ITPKC: variants seen among roughly 807,000 people sequenced by gnomAD.
ITPKC encodes the protein IP3 3-kinase C.
A neutral mutation model predicts 67.1 loss-of-function variants in ITPKC; 33 were observed. The observed-to-expected ratio is 0.49, with a 90% CI of 0.37 to 0.66. The LOEUF is 0.66. ITPKC is among the 30% of genes least tolerant of loss of function. ITPKC has a pLI of 0.00. For missense variants in ITPKC, 820 were observed against 892.1 expected (o/e 0.92, Z 1.03); for synonymous variants, 341 against 359.8 (o/e 0.95, Z 0.59).
At position 40,717,154 on chromosome 19, in the gene ITPKC, C is replaced by G. The variant is rs1300642263; in HGVS notation, c.19C>G (p.Arg7Gly). The change falls in exon 1 of 7, where the codon CGT becomes GGT. Residue 7 changes from arginine (R) to glycine (G), a missense_variant. Arg to Gly is a moderately radical substitution (Grantham distance 125, BLOSUM62 -2). Transcript: ENST00000263370. ...AGCGGGCATGAGGCGCTGCCCGTGC[C>G]GTGGGAGCCTGAACGAGGCGGAGGC... MRRCPC[R>G]GSLNEAEAGA... 9 of 1,226,936 alleles carry G rather than the reference C, an allele frequency of 7.3e-6. No homozygotes were observed. Among genetic ancestry groups the G allele is most frequent in the Non-Finnish European group, 9.1e-6 (9 of 985,030 alleles). The allele number at this position is 1,226,936 out of a possible 1,614,324, so 76.0% of individuals were successfully genotyped here.
chr19:40,726,196 G>A (rs531856848), intron 2 of ITPKC, among the ~76,000 whole-genome samples: 10 of 151,886 alleles, frequency 6.6e-5, no homozygotes, highest in Admixed American at 4.6e-4. Flanking sequence ...AGCCAAGATC[G>A]CAGCATTGCA....
chr19:40,723,422 CTTTG>C (rs1249373853), intron 1 of ITPKC, among the ~76,000 whole-genome samples: 2 of 152,000 alleles, frequency 1.3e-5, no homozygotes, highest in East Asian at 3.9e-4. Flanking sequence ...TTCTCTCTCT[CTTTG>C]TCTACTTCTG....
intron 3 of ITPKC, among the ~76,000 whole-genome samples, 173 bp from the exon 4 acceptor site, chr19:40,732,987 C>A (rs1178665913): frequency 6.6e-6 from 1 of 152,198 alleles, no homozygotes; most frequent in Non-Finnish European, 1.5e-5. Context: ...AATTGCAGTG[C>A]CTAGTCATAA....
rs775698126 is a variant in ITPKC, at chr19:40,717,454, G to C, written c.319G>C (p.Glu107Gln). The C allele has an allele frequency of 1.9e-6, 3 of 1,613,958 alleles. No individual in the cohort carries two copies. The highest frequency in any genetic ancestry group is 2.5e-6 in the Non-Finnish European group (3 of 1,180,024). ...GGCAGCTGGCCTTGGAGTAGAGACC[G>C]AGAGGCCCAAGCAAAAGACGGAGCC... The part of the protein sequence containing the change: ...PAAAGLGVET[E>Q]RPKQKTEPDR... The change falls in exon 1 of 7, where the codon GAG (glutamate) becomes CAG (glutamine). Residue 107 changes from glutamate to glutamine, a missense_variant. Coordinates refer to ENST00000263370, the MANE Select transcript of ITPKC (RefSeq NM_025194.3).
Position 40,717,392 on chromosome 19 carries a change from A to G in ITPKC, c.257A>G (p.Gln86Arg), listed in dbSNP as rs1190175867. 2 of 1,613,476 alleles carry G rather than the reference A, an allele frequency of 1.2e-6. No individual in the cohort carries two copies. The highest frequency in any genetic ancestry group is 8.5e-7 in the Non-Finnish European group (1 of 1,179,942). ...LGPAPGTESPQAEFWTDGQTE... is the reference protein window; with the variant it reads ...LGPAPGTESPRAEFWTDGQTE... ...CCTGCGCCGGGGACAGAGAGTCCGC[A>G]GGCAGAATTCTGGACAGACGGACAG... Residue 86 changes from glutamine (Q) to arginine (R), a missense_variant, in exon 1 of 7, where the codon CAG (glutamine) becomes CGG (arginine). Coordinates refer to ENST00000263370, the MANE Select transcript of ITPKC (RefSeq NM_025194.3).
At chr19:40,726,957 A>T (rs143454659) in intron 2 of ITPKC, among the ~76,000 whole-genome samples, 331 of 152,192 alleles carry the variant, frequency 2.2e-3, no homozygotes, top group African/African-American at 6.6e-3. Context: ...TGGGAAGATC[A>T]CTTGAGTCCA....
At chr19:40,729,458 G>GC in intron 3 of ITPKC, 43 bp downstream of exon 3, 1 of 1,545,940 alleles carries the variant, frequency 6.5e-7, no homozygotes, top group Non-Finnish European at 8.8e-7. Flanking sequence ...AGGGCAGGGG[G>GC]TGGGCATTAT....
chr19:40,723,154 G>T lies in ITPKC; in HGVS notation c.1156-2186G>T, dbSNP rs191170764. ...TTTTTTGTATTTTTAGTAGAGACGG[G>T]GTTTCACTGTGTTAGCCAGGATGGT... On this transcript the variant is annotated intron_variant, in intron 1 of 6. Transcript: ENST00000263370. Among the ~76,000 whole-genome samples the T allele has an allele frequency of 2.4e-4, 37 of 152,162 alleles. No individual in the cohort carries two copies. In the East Asian group the frequency reaches 7.2e-3, roughly 29 times the overall value.
rs763431871 is a variant in ITPKC, at chr19:40,729,276, C to T, written c.1330C>T (p.Leu444=). Residue 444 remains leucine (L), a synonymous_variant, in exon 3 of 7, where the codon CTG becomes TTG. Coordinates refer to ENST00000263370, the MANE Select transcript of ITPKC (RefSeq NM_025194.3). ...CQCEQRSLEQ[L]MKDPLRPFVP... ...GTGTGAGCAGCGCAGCCTGGAGCAG[C>T]TGATGAAAGACCCGCTGCGACCTTT... 10 of 1,614,054 alleles carry T rather than the reference C, an allele frequency of 6.2e-6. No individual in the cohort carries two copies. The highest frequency in any genetic ancestry group is 7.6e-6 in the Non-Finnish European group (9 of 1,180,044).
chr19:40,725,003 G>C (rs1174230451), intron 1 of ITPKC, among the ~76,000 whole-genome samples: 1 of 151,764 alleles, frequency 6.6e-6, no homozygotes, highest in African/African-American at 2.4e-5. Flanking sequence ...AAGATGTAAG[G>C]GTTGTTTGTT....
Position 40,718,102 on chromosome 19 carries a change from C to T in ITPKC, c.967C>T (p.Pro323Ser), listed in dbSNP as rs908407684. ...THLYSHLKCSPLCPVPRLIIT... is the reference protein window; with the variant it reads ...THLYSHLKCSSLCPVPRLIIT... Reference sequence around the variant, plus strand: ...CCTGTACTCTCACCTGAAGTGTAGCCCCCTGTGCCCTGTGCCCCGCCTCAT... The same window carrying T: ...CCTGTACTCTCACCTGAAGTGTAGCTCCCTGTGCCCTGTGCCCCGCCTCAT... The change falls in exon 1 of 7, where the codon CCC (proline) becomes TCC (serine). Residue 323 changes from proline (P) to serine (S), a missense_variant. Around this residue, in one of 2 missense-constraint regions of ITPKC, gnomAD observed 481 missense variants for 470.1 expected, o/e 1.02. Transcript: ENST00000263370. 6.2e-7 allele frequency: 1 copy of T among 1,613,440 alleles called. No individual in the cohort carries two copies. The highest frequency in any genetic ancestry group is 8.5e-7 in the Non-Finnish European group (1 of 1,179,962).
In ITPKC at chr19:40,740,371, C is replaced by T. The variant is rs10411159; in HGVS notation, c.*811C>T. 3.6e-3 allele frequency: 571 copies of T among 159,082 alleles called. 4 individuals are homozygous for T. Among genetic ancestry groups the T allele is most frequent in the African/African-American group, 0.013 (551 of 41,038 alleles). The allele number at this position is 159,082 out of a possible 1,614,324, so 9.9% of individuals were successfully genotyped here. A position where few individuals can be genotyped will look rare whatever the true frequency, so the allele number is the denominator to read the frequency against. ...ACCCCCAGGCTTCTCTCTCCTTTCT[C>T]CCAGCAAACTGCAGTGGCAGAAAGG... On this transcript the variant is annotated 3_prime_UTR_variant, in exon 7 of 7. Coordinates refer to ENST00000263370, the MANE Select transcript of ITPKC (RefSeq NM_025194.3).
chr19:40,733,627 CCT>C (rs1182971718), intron 4 of ITPKC, among the ~76,000 whole-genome samples: 1 of 152,228 alleles, frequency 6.6e-6, no homozygotes, highest in Admixed American at 6.5e-5. Context: ...TCTTCTCCTG[CCT>C]CTGTCTCCCT....
chr19:40,739,413 G>C lies in ITPKC; in HGVS notation c.1905G>C (p.Trp635Cys). 2.5e-6 allele frequency: 4 copies of C among 1,613,778 alleles called. No homozygotes were observed. The highest frequency in any genetic ancestry group is 3.4e-6 in the Non-Finnish European group (4 of 1,180,042). Residue 635 changes from tryptophan (W) to cysteine (C), a missense_variant, in exon 7 of 7, where the codon TGG becomes TGC. Trp to Cys is a radical substitution (Grantham distance 215, BLOSUM62 -2). Around this residue, in one of 2 missense-constraint regions of ITPKC, gnomAD observed 339 missense variants for 422.0 expected, o/e 0.80. Coordinates refer to ENST00000263370, the MANE Select transcript of ITPKC (RefSeq NM_025194.3). ...ACCACACCGGCCTGGCCAAGGTCTG[G>C]ATGATAGACTTCGGCAAGACGGTGG... Reference protein sequence around the residue: ...VHDHTGLAKVWMIDFGKTVAL... With the variant: ...VHDHTGLAKVCMIDFGKTVAL...
chr19:40,720,079 A>T (rs1450841832), intron 1 of ITPKC, among the ~76,000 whole-genome samples: 6 of 151,942 alleles, frequency 3.9e-5, no homozygotes, highest in Non-Finnish European at 8.8e-5. Flanking sequence ...CATTCAACAG[A>T]TGGGGGCCAG....
At chr19:40,728,624 A>C (rs1044491804) in intron 2 of ITPKC, among the ~76,000 whole-genome samples, 3 of 152,186 alleles carry the variant, frequency 2.0e-5, no homozygotes, top group African/African-American at 7.2e-5. Context: ...ACATGTGTAC[A>C]ATCAAAAATT....
chr19:40,737,226 T>C (rs1264502968), intron 5 of ITPKC, 139 bp downstream of exon 5: 5 of 649,764 alleles, frequency 7.7e-6, no homozygotes, highest in Non-Finnish European at 1.4e-5. Context: ...GGTCAGCTGG[T>C]GGCTTGGCAA....
At chr19:40,725,520 C>T (rs1224783834) in intron 2 of ITPKC, 81 bp downstream of exon 2, 5 of 968,294 alleles carry the variant, frequency 5.2e-6, no homozygotes, top group Non-Finnish European at 6.7e-6. Flanking sequence ...TTAGTTCCCC[C>T]ACCTAGTGAT....
Position 40,739,361 on chromosome 19 carries a change from T to C in ITPKC, c.1853T>C (p.Val618Ala), listed in dbSNP as rs987737669. ...CTCCCGTCTCTACCCCGGCAGGTGG[T>C]AGGCAGCTCCCTCCTCTTCGTGCAC... is the stretch of plus-strand genomic sequence containing the variant. Reference protein sequence around the residue: ...ISPFFKTHEVVGSSLLFVHDH... With the variant: ...ISPFFKTHEVAGSSLLFVHDH... The change falls in exon 7 of 7, where the codon GTA (valine) becomes GCA (alanine). Residue 618 changes from valine (V) to alanine (A), a missense_variant. Coordinates refer to ENST00000263370, the MANE Select transcript of ITPKC (RefSeq NM_025194.3). 6.2e-7 allele frequency: 1 copy of C among 1,613,268 alleles called. No individual in the cohort carries two copies. The highest frequency in any genetic ancestry group is 8.5e-7 in the Non-Finnish European group (1 of 1,179,832).
Sources: allele counts gnomAD v4.1 joint callset (sites outside exome capture counted in the v4.1 genomes callset), GRCh38; gene constraint gnomAD v4.1.1; regional missense constraint gnomAD v4.1.1; transcripts MANE v1.5; gene names NCBI Gene and HGNC (gene_info 2026-07-23, HGNC 2026-07-21).